Variants in CDCA3 observed in about 807,000 individuals in gnomAD.
The protein encoded by CDCA3 is cell division cycle-associated protein 3.
CDCA3 carries 16 observed loss-of-function variants against 29.1 expected under a neutral mutation model. That is an observed-to-expected ratio of 0.55 (90% CI 0.37 to 0.83). The LOEUF is 0.83. Among genes scored for constraint, CDCA3 ranks in the 40% least tolerant of loss-of-function variants. The pLI is 0.00. For synonymous variants in CDCA3, 88 were observed against 124.5 expected (o/e 0.71, Z 1.95); for missense variants, 291 against 327.2 (o/e 0.89, Z 0.85).
chr12:6,846,830 G>A, downstream of CDCA3: 1 of 1,602,036 alleles, frequency 6.2e-7, no homozygotes, highest in Non-Finnish European at 8.5e-7. Flanking sequence ...GAGCTGCCTG[G>A]GAGTCACAGC....
In CDCA3 at chr12:6,850,411, CTACCCAA is replaced by C; in HGVS notation, c.250+49_250+55del. 1 of 1,608,982 alleles carries C rather than the reference CTACCCAA, an allele frequency of 6.2e-7. No individual in the cohort carries two copies. Among genetic ancestry groups the C allele is most frequent in the Non-Finnish European group, 8.5e-7 (1 of 1,176,182 alleles). On this transcript the variant is annotated intron_variant, in intron 3 of 5. Transcript: ENST00000538862. This position sits in a 1 kb window ranked among gnomAD's most constrained non-coding sequence, Gnocchi z 4.7. Reference sequence around the variant, plus strand: ...CCCTGAGAGAATGGCTTCATGGACCCTACCCAAGAATAATAGATGACAGCTTCATCAG... The same window carrying C: ...CCCTGAGAGAATGGCTTCATGGACCCGAATAATAGATGACAGCTTCATCAG...
At position 6,849,389 on chromosome 12, in the gene CDCA3, T is replaced by TA. The variant is rs1565523817; in HGVS notation, c.584dup (p.Leu196ThrfsTer12). On this transcript the variant is annotated frameshift_variant, in exon 5 of 6. Coordinates refer to ENST00000538862, the MANE Select transcript of CDCA3 (RefSeq NM_031299.7). LOFTEE classifies it high-confidence loss of function. The surrounding 1 kb of genome is among the most constrained non-coding windows in gnomAD (Gnocchi z 5.2). ...GGATGGTGAGGGGGGATCTCCCTAG[T>TA]ACCTTGCTGCTGTTTGGTTTCCATC... The TA allele has an allele frequency of 6.2e-7, 1 of 1,604,492 alleles. No individual in the cohort carries two copies.
chr12:6,846,614 C>A, downstream of CDCA3: 3 of 539,808 alleles, frequency 5.6e-6, no homozygotes, highest in South Asian at 7.3e-5. Context: ...TGTGCTCAAG[C>A]ACACATGCAC....
chr12:6,850,567 T>C lies in CDCA3; in HGVS notation c.150A>G (p.Pro50=), dbSNP rs782270888. Residue 50 remains proline, a synonymous_variant, in exon 3 of 6, where the codon CCA becomes CCG. Coordinates refer to ENST00000538862, the MANE Select transcript of CDCA3 (RefSeq NM_031299.7). The surrounding 1 kb of genome is among the most constrained non-coding windows in gnomAD (Gnocchi z 4.7). ...QVESSPQPGL[P]AGEQLEGLKH... ...TAAGACCCTCCAGTTGCTCCCCTGCTGGTAGGCCTGGCTGTGGAGAGCTCT... is the reference window on the plus strand; with the variant it reads ...TAAGACCCTCCAGTTGCTCCCCTGCCGGTAGGCCTGGCTGTGGAGAGCTCT... 5.0e-6 allele frequency: 8 copies of C among 1,614,144 alleles called. No homozygotes were observed. Among genetic ancestry groups the C allele is most frequent in the South Asian group, 1.1e-5 (1 of 91,084 alleles).
rs1243046708 is a variant in CDCA3, at chr12:6,850,171, G to C, written c.250+296C>G. 4 of 524,174 alleles carry C rather than the reference G, an allele frequency of 7.6e-6. No individual in the cohort carries two copies. Among genetic ancestry groups the C allele is most frequent in the Non-Finnish European group, 1.0e-5 (3 of 292,562 alleles). The allele number at this position is 524,174 out of a possible 1,614,324, so 32.5% of individuals were successfully genotyped here. ...CATGCCACCGTGCTTTTGTGTGTGT[G>C]TGTGTGTGTTATGTGTGTGTATTTT... On this transcript the variant is annotated intron_variant, in intron 3 of 5. Coordinates refer to ENST00000538862, the MANE Select transcript of CDCA3 (RefSeq NM_031299.7). The surrounding 1 kb of genome is among the most constrained non-coding windows in gnomAD (Gnocchi z 4.7).
downstream of CDCA3, chr12:6,846,525 T>G: frequency 2.9e-6 from 1 of 347,568 alleles, no homozygotes; most frequent in Non-Finnish European, 5.3e-6. Flanking sequence ...CCCCCTGCCC[T>G]ACAGCTAATC....
In CDCA3 at chr12:6,848,944, G is replaced by GAAAACAAGCCA. The variant is rs1340878071; in HGVS notation, c.*88_*98dup. 1.5e-6 allele frequency: 1 copy of GAAAACAAGCCA among 648,876 alleles called. No homozygotes were observed. Among genetic ancestry groups the GAAAACAAGCCA allele is most frequent in the African/African-American group, 1.8e-5 (1 of 55,286 alleles). The allele number at this position is 648,876 out of a possible 1,614,324, so 40.2% of individuals were successfully genotyped here. ...GTTTGGTAGCTGAGGAGGAGTCTAAGAAAACAAGCCATTCCTCAGTATCCC... is the reference window on the plus strand; with the variant it reads ...GTTTGGTAGCTGAGGAGGAGTCTAAGAAAACAAGCCAAAAACAAGCCATTCCTCAGTATCCC... On this transcript the variant is annotated 3_prime_UTR_variant, in exon 6 of 6. Coordinates refer to ENST00000538862, the MANE Select transcript of CDCA3 (RefSeq NM_031299.7).
Position 6,850,731 on chromosome 12 carries a change from G to A in CDCA3, c.120+102C>T. ...ACAGATTGAGATTGCAGAAAATAAGGCTAGGATAAGGGTGGGGTCATGACG... is the reference window on the plus strand; with the variant it reads ...ACAGATTGAGATTGCAGAAAATAAGACTAGGATAAGGGTGGGGTCATGACG... On this transcript the variant is annotated intron_variant, in intron 2 of 5. Transcript: ENST00000538862. The surrounding 1 kb of genome is among the most constrained non-coding windows in gnomAD (Gnocchi z 4.7). The A allele has an allele frequency of 1.9e-6, 3 of 1,571,714 alleles. No individual in the cohort carries two copies. Among genetic ancestry groups the A allele is most frequent in the Non-Finnish European group, 2.6e-6 (3 of 1,152,070 alleles).
intron 1 of CDCA3, 39 bp downstream of exon 1, chr12:6,851,183 G>A: frequency 1.5e-6 from 2 of 1,351,208 alleles, no homozygotes; most frequent in Admixed American, 3.6e-5. Context: ...GGCCTGCTGA[G>A]CCCTCTAACT....
At chr12:6,847,325 C>T (rs1943727115), downstream of CDCA3, 1 of 190,454 alleles carries the variant, frequency 5.3e-6, no homozygotes, top group African/African-American at 2.3e-5. Context: ...TCTTCTTATT[C>T]ATGCTTTCTC....
In CDCA3 at chr12:6,850,535, G is replaced by T; in HGVS notation, c.182C>A (p.Ala61Asp). The T allele has an allele frequency of 6.2e-7, 1 of 1,614,098 alleles. No individual in the cohort carries two copies. The highest frequency in any genetic ancestry group is 8.5e-7 in the Non-Finnish European group (1 of 1,179,996). ...AGGAGAGCGGGGATCTGAGTCCTGG[G>T]CATGTTTAAGACCCTCCAGTTGCTC... ...AGEQLEGLKH[A>D]QDSDPRSPTL... The change falls in exon 3 of 6, where the codon GCC (alanine) becomes GAC (aspartate). Residue 61 changes from alanine to aspartate, a missense_variant. Physicochemically the swap from Ala to Asp is moderately radical, Grantham distance 126. Coordinates refer to ENST00000538862, the MANE Select transcript of CDCA3 (RefSeq NM_031299.7). This position sits in a 1 kb window ranked among gnomAD's most constrained non-coding sequence, Gnocchi z 4.7.
downstream of CDCA3, chr12:6,845,518 C>A: frequency 5.7e-6 from 6 of 1,060,100 alleles, no homozygotes; most frequent in Non-Finnish European, 7.1e-6. Flanking sequence ...AGGTGGGAGG[C>A]AGAGGGCGGG....
chr12:6,846,993 G>T, downstream of CDCA3: 2 of 731,300 alleles, frequency 2.7e-6, no homozygotes, highest in Admixed American at 4.2e-5. Flanking sequence ...TATATTCCGG[G>T]TGCCATTCCC....
rs1943840062 is a variant in CDCA3, at chr12:6,850,608, A to G, written c.121-12T>C. On this transcript the variant is annotated splice_polypyrimidine_tract_variant and intron_variant, in intron 2 of 5. Transcript: ENST00000538862. This position sits in a 1 kb window ranked among gnomAD's most constrained non-coding sequence, Gnocchi z 4.7. ...GGAGAGCTCTCCACCTGTCAAGACCATAGGCTAGAACAAGTCTGGGCCCTG... is the reference window on the plus strand; with the variant it reads ...GGAGAGCTCTCCACCTGTCAAGACCGTAGGCTAGAACAAGTCTGGGCCCTG... 3 of 1,614,108 alleles carry G rather than the reference A, an allele frequency of 1.9e-6. No individual in the cohort carries two copies. The highest frequency in any genetic ancestry group is 1.7e-4 in the Middle Eastern group (1 of 6,060).
At chr12:6,846,024 T>G (rs118019714), downstream of CDCA3, 12,761 of 554,986 alleles carry the variant, frequency 0.023, 199 homozygotes, top group Non-Finnish European at 0.03. Flanking sequence ...CCCAATGCCA[T>G]GACTGCTCCC....
Position 6,850,227 on chromosome 12 carries a change from A to G in CDCA3, c.250+240T>C. The G allele has an allele frequency of 3.7e-6, 2 of 547,080 alleles. No individual in the cohort carries two copies. The highest frequency in any genetic ancestry group is 4.2e-5 in the South Asian group (2 of 47,198). 33.9% of individuals were successfully genotyped at this position (547,080 alleles called of 1,614,324 possible). ...GAGATGGGGTTTTGCCATGTTGCCT[A>G]GGCTGGTCTTGAACTCCTGGGCTCA... is the stretch of plus-strand genomic sequence containing the variant. On this transcript the variant is annotated intron_variant, in intron 3 of 5. Coordinates refer to ENST00000538862, the MANE Select transcript of CDCA3 (RefSeq NM_031299.7). This position sits in a 1 kb window ranked among gnomAD's most constrained non-coding sequence, Gnocchi z 4.7.
downstream of CDCA3, chr12:6,845,795 G>T: frequency 6.2e-7 from 1 of 1,612,682 alleles, no homozygotes; most frequent in South Asian, 1.1e-5. Flanking sequence ...TGAAGTCTGA[G>T]CGTGTGGGTA....
In CDCA3 at chr12:6,850,004, A is replaced by T; in HGVS notation, c.251-146T>A. The T allele has an allele frequency of 3.0e-5, 16 of 528,976 alleles. No homozygotes were observed. The highest frequency in any genetic ancestry group is 4.0e-5 in the Admixed American group (1 of 24,786). 32.8% of individuals were successfully genotyped at this position (528,976 alleles called of 1,614,324 possible). A position where few individuals can be genotyped will look rare whatever the true frequency, so the allele number is the denominator to read the frequency against. ...AAGGAAATCAAGGTGAAAGGGAGCA[A>T]TTTTTTTTTTTTTTGAGATGGGGCT... On this transcript the variant is annotated intron_variant, in intron 3 of 5. Coordinates refer to ENST00000538862, the MANE Select transcript of CDCA3 (RefSeq NM_031299.7). This position sits in a 1 kb window ranked among gnomAD's most constrained non-coding sequence, Gnocchi z 4.7.
chr12:6,850,210 G>A lies in CDCA3; in HGVS notation c.250+257C>T. 1.9e-6 allele frequency: 1 copy of A among 524,148 alleles called. No homozygotes were observed. Among genetic ancestry groups the A allele is most frequent in the East Asian group, 3.3e-5 (1 of 30,216 alleles). 32.5% of individuals were successfully genotyped at this position (524,148 alleles called of 1,614,324 possible). On this transcript the variant is annotated intron_variant, in intron 3 of 5. Transcript: ENST00000538862. The surrounding 1 kb of genome is among the most constrained non-coding windows in gnomAD (Gnocchi z 4.7). ...TGTGTGTATTTTTTCTAGAGATGGG[G>A]TTTTGCCATGTTGCCTAGGCTGGTC... is the stretch of plus-strand genomic sequence containing the variant.
Sources: gnomAD v4.1 joint callset for allele counts on GRCh38, gnomAD v4.1.1 for gene constraint, Gnocchi (gnomAD v3.1) non-coding constraint, MANE v1.5 for transcripts, NCBI Gene and HGNC (gene_info 2026-07-23, HGNC 2026-07-21) for gene names.